PTPRN2: variants seen among roughly 807,000 people sequenced by gnomAD.
PTPRN2 encodes receptor-type tyrosine-protein phosphatase N2.
A neutral mutation model predicts 118.8 loss-of-function variants in PTPRN2; 74 were observed. That is an observed-to-expected ratio of 0.62 (90% CI 0.52 to 0.76). PTPRN2 has a LOEUF of 0.76. Ranked by LOEUF, PTPRN2 falls within the 30% of genes least tolerant of loss-of-function variation. The pLI is 0.00. For synonymous variants in PTPRN2, 641 were observed against 608.0 expected (o/e 1.05, Z -0.80); for missense variants, 1,481 against 1,394.4 (o/e 1.06, Z -0.99).
At chr7:158,174,813 C>T (rs1824036692) in intron 5 of PTPRN2, among the ~76,000 whole-genome samples, 1 of 152,180 alleles carries the variant, frequency 6.6e-6, no homozygotes, top group South Asian at 2.1e-4. Flanking sequence ...TGATGCAGTT[C>T]ACAGAGCCAC....
chr7:158,441,441 AGTGGTGGCAGTGGTGGTGATAGTG>A (rs1817186078), intron 2 of PTPRN2, among the ~76,000 whole-genome samples: 1 of 123,632 alleles, frequency 8.1e-6, no homozygotes. Context: ...TGGTGATGGC[AGTGGTGGCAGTGGTGGTGATAGTG>A]ATGGTCATGG....
intron 11 of PTPRN2, among the ~76,000 whole-genome samples, chr7:157,947,323 A>G (rs931065999): frequency 1.3e-5 from 2 of 152,242 alleles, no homozygotes; most frequent in African/African-American, 4.8e-5. Context: ...CTGTAGTCTA[A>G]TTTTAAAAAT....
At chr7:158,150,383 C>G (rs1436014740) in intron 6 of PTPRN2, among the ~76,000 whole-genome samples, 2 of 152,198 alleles carry the variant, frequency 1.3e-5, no homozygotes, top group African/African-American at 4.8e-5. Flanking sequence ...TCTCCGCCCT[C>G]CACATGCAGG....
chr7:157,991,698 G>A (rs971850728), intron 11 of PTPRN2, among the ~76,000 whole-genome samples: 2 of 152,216 alleles, frequency 1.3e-5, no homozygotes, highest in Non-Finnish European at 1.5e-5. Context: ...AGAGCTGCAC[G>A]GGGCTGTTCT....
At chr7:158,167,364 C>T in intron 5 of PTPRN2, 73 bp from the exon 6 acceptor site, 1 of 1,513,042 alleles carries the variant, frequency 6.6e-7, no homozygotes, top group Non-Finnish European at 8.8e-7. Flanking sequence ...AGATGCCCTT[C>T]AGTCTCAGTT....
At chr7:158,062,646 C>T (rs1055209301) in intron 11 of PTPRN2, among the ~76,000 whole-genome samples, 36 of 152,276 alleles carry the variant, frequency 2.4e-4, no homozygotes, top group African/African-American at 7.5e-4. Flanking sequence ...GGCGTGGGCT[C>T]GGCAGGCCCC....
At chr7:158,501,483 C>A (rs1466994969) in intron 1 of PTPRN2, among the ~76,000 whole-genome samples, 1 of 152,224 alleles carries the variant, frequency 6.6e-6, no homozygotes, top group Non-Finnish European at 1.5e-5. Flanking sequence ...CTGTTCCCAT[C>A]CCCGACACAA....
chr7:158,280,017 C>A (rs1222734457), intron 3 of PTPRN2, among the ~76,000 whole-genome samples: 1 of 150,836 alleles, frequency 6.6e-6, no homozygotes, highest in Admixed American at 6.6e-5. Context: ...GCCCCCGAAC[C>A]CACAGAGCCC....
At chr7:158,036,603 A>C (rs960897972) in intron 11 of PTPRN2, among the ~76,000 whole-genome samples, 1 of 152,226 alleles carries the variant, frequency 6.6e-6, no homozygotes, top group Non-Finnish European at 1.5e-5. Context: ...GGTATATCCC[A>C]AAAATGCAAA....
intron 15 of PTPRN2, among the ~76,000 whole-genome samples, chr7:157,612,160 G>A (rs1356701002): frequency 2.6e-5 from 4 of 152,232 alleles, no homozygotes; most frequent in Non-Finnish European, 5.9e-5. Flanking sequence ...CGGAGAAAGC[G>A]CCGCCTGGAG....
chr7:158,332,466 GGTGA>G (rs1804680949), intron 2 of PTPRN2, among the ~76,000 whole-genome samples: 1 of 145,284 alleles, frequency 6.9e-6, no homozygotes, highest in African/African-American at 2.6e-5. Context: ...CACCATAAGA[GGTGA>G]CATCTACAGA....
chr7:157,948,763 A>C (rs373090558), intron 11 of PTPRN2, among the ~76,000 whole-genome samples: 2 of 152,254 alleles, frequency 1.3e-5, no homozygotes, highest in African/African-American at 4.8e-5. Context: ...GAGTGCCTAC[A>C]TGATGTTCAA....
At chr7:157,910,063 T>A (rs924779731) in intron 11 of PTPRN2, among the ~76,000 whole-genome samples, 2 of 152,234 alleles carry the variant, frequency 1.3e-5, no homozygotes, top group South Asian at 4.1e-4. Flanking sequence ...CACCCACAGT[T>A]CTAGTTTTGA....
At chr7:158,049,853 A>G (rs1431892694) in intron 11 of PTPRN2, among the ~76,000 whole-genome samples, 1 of 152,188 alleles carries the variant, frequency 6.6e-6, no homozygotes, top group Non-Finnish European at 1.5e-5. Context: ...TAGTGAACCA[A>G]GATCGCACCA....
chr7:157,678,655 C>T (rs1022043417), intron 13 of PTPRN2, among the ~76,000 whole-genome samples: 3 of 152,126 alleles, frequency 2.0e-5, no homozygotes, highest in African/African-American at 4.8e-5. Flanking sequence ...TGCACTTAGC[C>T]GCTGTGTTTA....
At chr7:158,442,981 G>A (rs535246953) in intron 2 of PTPRN2, among the ~76,000 whole-genome samples, 1 of 149,986 alleles carries the variant, frequency 6.7e-6, no homozygotes, top group South Asian at 2.1e-4. Context: ...CTAGAGCATA[G>A]TCTTTGGCCT....
At chr7:157,924,012 G>A (rs1009620710) in intron 11 of PTPRN2, among the ~76,000 whole-genome samples, 8 of 152,196 alleles carry the variant, frequency 5.3e-5, no homozygotes, top group Non-Finnish European at 8.8e-5. Flanking sequence ...CCGCTGTTTG[G>A]GAGACCCCAT....
chr7:158,466,193 A>G (rs1026972257), intron 2 of PTPRN2, among the ~76,000 whole-genome samples: 1 of 152,074 alleles, frequency 6.6e-6, no homozygotes, highest in Non-Finnish European at 1.5e-5. Flanking sequence ...TGGGCAAATT[A>G]CCAGTAAACA....
At chr7:158,407,417 G>C (rs62649332) in intron 2 of PTPRN2, among the ~76,000 whole-genome samples, 516 of 6,476 alleles carry the variant, frequency 0.08, 1 homozygote, top group Admixed American at 0.14. Flanking sequence ...CTGGGTCCTG[G>C]GTCCTGGGTC....
Sources: allele counts gnomAD v4.1 joint callset (sites outside exome capture counted in the v4.1 genomes callset), GRCh38; gene constraint gnomAD v4.1.1; transcripts MANE v1.5; gene names NCBI Gene and HGNC (gene_info 2026-07-23, HGNC 2026-07-21).